The following CAMTA1 variants were observed in gnomAD, a reference collection of about 807,000 sequenced individuals.
The protein encoded by CAMTA1 is calmodulin binding transcription activator 1, also known as calmodulin-binding transcription activator 1.
In CAMTA1, 27 loss-of-function variants were observed where a neutral mutation model predicts 170.9. The observed-to-expected ratio is 0.16, with a 90% CI of 0.12 to 0.22. The LOEUF (loss-of-function observed/expected upper bound fraction) is 0.22. Ranked by LOEUF, CAMTA1 falls within the 10% of genes least tolerant of loss-of-function variation. CAMTA1 has a pLI of 1.00. For synonymous variants in CAMTA1, 833 were observed against 891.5 expected, an observed-to-expected ratio of 0.93 and a Z score of 1.17; for missense variants, 1,619 against 2,217.2, an observed-to-expected ratio of 0.73 and a Z score of 5.42.
At chr1:6,908,301 G>T (rs977551952) in intron 3 of CAMTA1, among the ~76,000 whole-genome samples, 1 of 152,238 alleles carries the variant, frequency 6.6e-6, no homozygotes, top group East Asian at 1.9e-4. Context: ...GTCCAGCAGT[G>T]CCCACGGCAA....
At chr1:7,148,393 T>G (rs1194217436) in intron 4 of CAMTA1, among the ~76,000 whole-genome samples, 1 of 150,706 alleles carries the variant, frequency 6.6e-6, no homozygotes, top group Non-Finnish European at 1.5e-5. Context: ...ATATGCACCA[T>G]GGACATACCC....
At chr1:7,504,150 G>A (rs2094059145) in intron 6 of CAMTA1, among the ~76,000 whole-genome samples, 1 of 152,156 alleles carries the variant, frequency 6.6e-6, no homozygotes, top group Non-Finnish European at 1.5e-5. Context: ...CTCACTGCGG[G>A]GAACGGGTGG....
chr1:7,084,187 A>G (rs1460415590), intron 3 of CAMTA1, among the ~76,000 whole-genome samples: 1 of 152,144 alleles, frequency 6.6e-6, no homozygotes, highest in Non-Finnish European at 1.5e-5. Flanking sequence ...AAATATATGT[A>G]CACACATATA....
At chr1:6,809,922 A>G (rs993501632) in intron 1 of CAMTA1, among the ~76,000 whole-genome samples, 1 of 152,164 alleles carries the variant, frequency 6.6e-6, no homozygotes, top group African/African-American at 2.4e-5. Flanking sequence ...GAGTAGAGAT[A>G]GGGTGGATGA....
In CAMTA1 at chr1:7,670,007, C is replaced by T. The variant is rs115467490; in HGVS notation, c.2653-904C>T. Among the ~76,000 whole-genome samples, 729 of 152,336 alleles carry T rather than the reference C, an allele frequency of 4.8e-3. 4 individuals carry two copies. The highest frequency in any genetic ancestry group is 0.017 in the Middle Eastern group (5 of 294). ...TGCAGCAGCCCCAGGCTGGTCGGAA[C>T]GGGGAGTCAGGGAGTACCCCAGCCC... On this transcript the variant is annotated intron_variant, in intron 9 of 22. Transcript: ENST00000303635.
chr1:7,361,079 A>G (rs845193), intron 5 of CAMTA1, among the ~76,000 whole-genome samples: 104,439 of 152,114 alleles, frequency 0.69, 36,483 homozygotes, highest in Middle Eastern at 0.77. Flanking sequence ...ATAGAAGCTC[A>G]GTTTGGCTCT....
intron 5 of CAMTA1, among the ~76,000 whole-genome samples, chr1:7,419,935 TCCA>T (rs2091449513): frequency 6.6e-6 from 1 of 152,072 alleles, no homozygotes; most frequent in Admixed American, 6.5e-5. Flanking sequence ...GCTGGACCAC[TCCA>T]CCATCCCGCC....
intron 3 of CAMTA1, among the ~76,000 whole-genome samples, chr1:6,988,246 C>T (rs1046800543): frequency 2.8e-4 from 42 of 152,100 alleles, no homozygotes; most frequent in Non-Finnish European, 3.4e-4. Context: ...AGGGCCGTGA[C>T]GCTCCGAAAG....
chr1:6,977,494 CCACACCTGGCTAATTT>C, intron 3 of CAMTA1, among the ~76,000 whole-genome samples: 1 of 152,268 alleles, frequency 6.6e-6, no homozygotes, highest in Non-Finnish European at 1.5e-5. Flanking sequence ...GTGCGTGCCA[CCACACCTGGCTAATTT>C]TTTGTATTTT....
At chr1:7,677,461 G>C (rs1357326792) in intron 10 of CAMTA1, 138 bp from the exon 11 acceptor site, 2 of 1,007,092 alleles carry the variant, frequency 2.0e-6, no homozygotes, top group African/African-American at 1.6e-5. Flanking sequence ...CGAATGAGCA[G>C]GCATAGGCTA....
chr1:7,079,853 C>T (rs1572894137), intron 3 of CAMTA1, among the ~76,000 whole-genome samples: 1 of 152,252 alleles, frequency 6.6e-6, no homozygotes, highest in East Asian at 1.9e-4. Flanking sequence ...GACTTCTCAT[C>T]AGAAATCATG....
chr1:7,045,646 C>G (rs1705263706), intron 3 of CAMTA1, among the ~76,000 whole-genome samples: 1 of 152,210 alleles, frequency 6.6e-6, no homozygotes, highest in Non-Finnish European at 1.5e-5. Context: ...GTACTGAATC[C>G]TGGTTCTTTT....
chr1:7,011,770 G>T (rs943864747), intron 3 of CAMTA1, among the ~76,000 whole-genome samples: 1 of 152,198 alleles, frequency 6.6e-6, no homozygotes, highest in Admixed American at 6.5e-5. Flanking sequence ...ACCTGTCACT[G>T]GTGTGTCCGC....
At chr1:7,240,871 T>G (rs967943174) in intron 4 of CAMTA1, among the ~76,000 whole-genome samples, 2 of 152,190 alleles carry the variant, frequency 1.3e-5, no homozygotes, top group African/African-American at 4.8e-5. Flanking sequence ...GATGAAAGAC[T>G]GTATGCTTCC....
chr1:7,303,971 A>C (rs1402593067), intron 5 of CAMTA1, among the ~76,000 whole-genome samples: 1 of 152,216 alleles, frequency 6.6e-6, no homozygotes, highest in Non-Finnish European at 1.5e-5. Flanking sequence ...AAGGACACAC[A>C]CTGCATTCTG....
intron 3 of CAMTA1, among the ~76,000 whole-genome samples, chr1:6,872,324 A>G (rs536989381): frequency 3.3e-5 from 5 of 152,214 alleles, no homozygotes; most frequent in African/African-American, 9.6e-5. Context: ...ACTTGAATTT[A>G]TTAGTCTTAG....
chr1:6,844,690 C>CAAAAAAAAA (rs1180942073), intron 3 of CAMTA1, among the ~76,000 whole-genome samples: 1 of 52,064 alleles, frequency 1.9e-5, no homozygotes, highest in Non-Finnish European at 3.4e-5. Flanking sequence ...ACCCTGTGTC[C>CAAAAAAAAA]AAAAAAAAAA....
chr1:7,498,594 C>T (rs1037033193), intron 6 of CAMTA1, among the ~76,000 whole-genome samples: 3 of 151,084 alleles, frequency 2.0e-5, no homozygotes, highest in African/African-American at 4.9e-5. Context: ...TGTGTGTGTA[C>T]GTGTGAGTGT....
chr1:7,649,342 T>TG (rs1359833532), intron 7 of CAMTA1, among the ~76,000 whole-genome samples: 2 of 152,138 alleles, frequency 1.3e-5, no homozygotes, highest in East Asian at 1.9e-4. Context: ...CTGGGAGTCA[T>TG]GGGGGAGGCA....
Sources: allele counts gnomAD v4.1 joint callset (sites outside exome capture counted in the v4.1 genomes callset), GRCh38; gene constraint gnomAD v4.1.1; transcripts MANE v1.5; gene names NCBI Gene and HGNC (gene_info 2026-07-23, HGNC 2026-07-21).